Variants in PUDP observed in about 807,000 individuals in gnomAD.
PUDP encodes pseudouridine 5'-phosphatase, also known as pseudouridine-5'-phosphatase.
Under a neutral mutation model 9.4 loss-of-function variants are expected in PUDP, and 8 were observed. The observed-to-expected ratio is 0.85, with a 90% CI of 0.50 to 1.53. The LOEUF is 1.53. Ranked by LOEUF, PUDP falls within the 40% of genes most tolerant of loss-of-function variation. The probability of loss-of-function intolerance (pLI) is 0.00; values close to 1 mark genes in which losing one functional copy is unlikely to be tolerated. For missense variants in PUDP, 188 were observed against 189.7 expected (o/e 0.99, Z 0.05); for synonymous variants, 99 against 80.7 (o/e 1.23, Z -1.22).
intron 3 of PUDP, among the ~76,000 whole-genome samples, chrX:6,753,764 T>C (rs1378224318): frequency 2.7e-5 from 3 of 112,522 alleles, no homozygotes; most frequent in African/African-American, 9.7e-5. Context: ...CAGCCATTTG[T>C]ATATCTTCTT....
chrX:7,078,737 T>C (rs967033007), intron 2 of PUDP, among the ~76,000 whole-genome samples: 4 of 112,350 alleles, frequency 3.6e-5, no homozygotes, highest in Non-Finnish European at 7.5e-5. Flanking sequence ...AGGTAACAGA[T>C]ATCTGGAGCA....
At chrX:6,900,561 G>GA (rs1569119735) in intron 3 of PUDP, among the ~76,000 whole-genome samples, 21 of 108,016 alleles carry the variant, frequency 1.9e-4, no homozygotes, top group South Asian at 4.1e-4. Context: ...GAGAGGGAGA[G>GA]AAGGAGAGAG....
intron 3 of PUDP, among the ~76,000 whole-genome samples, chrX:6,880,351 A>T (rs1465465255): frequency 9.0e-6 from 1 of 110,995 alleles, no homozygotes; most frequent in African/African-American, 3.3e-5. Context: ...AGAACATATG[A>T]TGTTTGGTTT....
intron 3 of PUDP, among the ~76,000 whole-genome samples, chrX:6,864,854 G>GT (rs1927054757): frequency 2.7e-5 from 3 of 111,746 alleles, no homozygotes; most frequent in Non-Finnish European, 5.6e-5. Context: ...AGATAATCCA[G>GT]TTAATCTCCC....
chrX:6,913,584 T>C (rs983448728), intron 3 of PUDP, among the ~76,000 whole-genome samples: 11 of 111,668 alleles, frequency 9.9e-5, no homozygotes, highest in African/African-American at 3.3e-4. Context: ...AAGAGCATTG[T>C]TTTTCATCTT....
Position 6,726,996 on chromosome X carries a change from T to C in PUDP, c.*248-20530A>G, listed in dbSNP as rs865960182. Among the ~76,000 whole-genome samples, 168 of 112,055 alleles carry C rather than the reference T, an allele frequency of 1.5e-3. 2 individuals carry two copies. Among genetic ancestry groups the C allele is most frequent in the African/African-American group, 4.9e-3 (153 of 30,973 alleles). ...ACACCATTACAAAATGGAATGTAAA[T>C]GCTATATTCTTGAAAGAACTTACAC... On this transcript the variant is annotated intron_variant and NMD_transcript_variant, in intron 3 of 3. Transcript: ENST00000655425.
At chrX:6,809,914 T>TA (rs1034575423) in intron 3 of PUDP, among the ~76,000 whole-genome samples, 13 of 109,445 alleles carry the variant, frequency 1.2e-4, no homozygotes, top group Non-Finnish European at 1.7e-4. Flanking sequence ...CTACAAAAAA[T>TA]AAAAAAATAA....
At chrX:6,769,251 C>G (rs977069012) in intron 3 of PUDP, among the ~76,000 whole-genome samples, 1 of 112,094 alleles carries the variant, frequency 8.9e-6, no homozygotes, top group Non-Finnish European at 1.9e-5. Flanking sequence ...GCAGCAATTG[C>G]TTGGATTAGA....
intron 2 of PUDP, among the ~76,000 whole-genome samples, chrX:7,082,504 C>T (rs948140806): frequency 8.9e-6 from 1 of 111,864 alleles, no homozygotes; most frequent in African/African-American, 3.3e-5. Context: ...GAGAGGGAAC[C>T]GCTTAGAGGG....
intron 3 of PUDP, among the ~76,000 whole-genome samples, chrX:6,907,133 C>T (rs113435903): frequency 2.7e-5 from 3 of 110,350 alleles, no homozygotes; most frequent in African/African-American, 6.6e-5. Flanking sequence ...ATCATGGGGG[C>T]GGTTACCCCC....
chrX:7,051,056 C>T (rs1445129735), intron 3 of PUDP, among the ~76,000 whole-genome samples: 1 of 111,591 alleles, frequency 9.0e-6, no homozygotes, highest in Non-Finnish European at 1.9e-5. Flanking sequence ...ACAGACACAA[C>T]ACCATCCAAA....
intron 3 of PUDP, among the ~76,000 whole-genome samples, chrX:6,849,239 G>T (rs1353116816): frequency 8.9e-6 from 1 of 112,264 alleles, no homozygotes; most frequent in African/African-American, 3.2e-5. Context: ...ACCTGAGAAG[G>T]GAAAGTGGGT....
At chrX:6,981,240 G>C (rs1233612312) in intron 1 of PUDP, among the ~76,000 whole-genome samples, 1 of 111,859 alleles carries the variant, frequency 8.9e-6, no homozygotes, top group Non-Finnish European at 1.9e-5. Context: ...AACAAGATTG[G>C]TCAGCAGTTG....
intron 3 of PUDP, among the ~76,000 whole-genome samples, chrX:6,889,458 G>A (rs1402502685): frequency 4.5e-5 from 5 of 111,482 alleles, no homozygotes; most frequent in Non-Finnish European, 9.4e-5. Flanking sequence ...ATGAGCCACT[G>A]AGCCCAGCAG....
At chrX:6,954,894 G>C (rs755797364) in intron 3 of PUDP, among the ~76,000 whole-genome samples, 1 of 111,962 alleles carries the variant, frequency 8.9e-6, no homozygotes, top group Admixed American at 9.5e-5. Flanking sequence ...TCTATCACAC[G>C]GGTATTGATG....
chrX:6,979,975 C>A (rs1299292457), intron 1 of PUDP, among the ~76,000 whole-genome samples: 2 of 110,726 alleles, frequency 1.8e-5, no homozygotes, highest in Non-Finnish European at 3.8e-5. Flanking sequence ...TGAGGGGTTA[C>A]ATGTGCAGGT....
intron 1 of PUDP, among the ~76,000 whole-genome samples, chrX:7,130,211 C>G (rs1208109498): frequency 9.0e-6 from 1 of 111,026 alleles, no homozygotes; most frequent in East Asian, 2.8e-4. Flanking sequence ...GTGAGTTCGG[C>G]ACCCTTACGT....
intron 1 of PUDP, among the ~76,000 whole-genome samples, chrX:7,124,729 G>A (rs939972766): frequency 4.5e-5 from 5 of 111,093 alleles, no homozygotes; most frequent in Admixed American, 9.5e-5. Context: ...GGTGGATCAC[G>A]AGGTCAGGAG....
chrX:6,873,386 T>C (rs905776162), intron 3 of PUDP, among the ~76,000 whole-genome samples: 4 of 111,970 alleles, frequency 3.6e-5, no homozygotes, highest in South Asian at 7.5e-4. Context: ...TAGATTCACA[T>C]TGAGTAAACA....
Sources: gnomAD v4.1 joint callset for allele counts (sites outside exome capture counted in the v4.1 genomes callset) on GRCh38, gnomAD v4.1.1 for gene constraint, MANE v1.5 for transcripts, NCBI Gene and HGNC (gene_info 2026-07-23, HGNC 2026-07-21) for gene names.